The following DPP10 variants were observed in gnomAD, a reference collection of about 807,000 sequenced individuals.
DPP10 encodes the protein inactive dipeptidyl peptidase 10.
Under a neutral mutation model 120.9 loss-of-function variants are expected in DPP10, and 33 were observed. That is an observed-to-expected ratio of 0.27 (90% CI 0.21 to 0.37). DPP10 has a LOEUF of 0.37. DPP10 is among the 10% of genes least tolerant of loss of function. The probability of loss-of-function intolerance (pLI) is 1.00; values close to 1 mark genes in which losing one functional copy is unlikely to be tolerated. For missense variants in DPP10, 816 were observed against 942.8 expected (o/e 0.87, Z 1.76); for synonymous variants, 337 against 326.1 (o/e 1.03, Z -0.36).
At chr2:114,582,692 G>A (rs1690634061) in intron 1 of DPP10, among the ~76,000 whole-genome samples, 1 of 152,132 alleles carries the variant, frequency 6.6e-6, no homozygotes, top group Non-Finnish European at 1.5e-5. Context: ...GATGACGTAT[G>A]ATGTAGAGCC....
chr2:114,791,219 A>G (rs1429959721), intron 1 of DPP10, among the ~76,000 whole-genome samples: 1 of 152,196 alleles, frequency 6.6e-6, no homozygotes, highest in African/African-American at 2.4e-5. Flanking sequence ...AGCCAGGATC[A>G]AATACAGATC....
chr2:115,220,603 G>C (rs2057094432), intron 1 of DPP10, among the ~76,000 whole-genome samples: 1 of 152,084 alleles, frequency 6.6e-6, no homozygotes, highest in South Asian at 2.1e-4. Context: ...GTACCACAAA[G>C]TCATTTGTTT....
intron 7 of DPP10, among the ~76,000 whole-genome samples, chr2:115,726,182 C>A (rs1007219560): frequency 6.6e-6 from 1 of 152,166 alleles, no homozygotes; most frequent in Non-Finnish European, 1.5e-5. Flanking sequence ...TGCTACTGTT[C>A]TGCTCCTACT....
At chr2:115,787,057 A>T (rs935896429) in intron 17 of DPP10, among the ~76,000 whole-genome samples, 4 of 152,238 alleles carry the variant, frequency 2.6e-5, no homozygotes, top group African/African-American at 4.8e-5. Flanking sequence ...AACTAGCCAT[A>T]GAGCAAAGGT....
chr2:115,269,563 G>C (rs551619636), intron 1 of DPP10, among the ~76,000 whole-genome samples: 16 of 152,298 alleles, frequency 1.1e-4, no homozygotes, highest in South Asian at 1.0e-3. Context: ...GTTTTCTGCT[G>C]TCTGTGGGCC....
Position 114,738,603 on chromosome 2 carries a change from C to T in DPP10, c.60+295765C>T, listed in dbSNP as rs141547477. ...TGTGAGAATCCCTGCTCAACTCCTG[C>T]TCAGCTCTATGAACTTTGGGTGCAT... On this transcript the variant is annotated intron_variant, in intron 1 of 25. Transcript: ENST00000410059. Among the ~76,000 whole-genome samples the T allele has an allele frequency of 3.3e-5, 5 of 152,270 alleles. No homozygotes were observed. The East Asian group carries it at 9.7e-4, about 29-fold the overall frequency.
chr2:115,052,572 A>C (rs759319861), intron 1 of DPP10, among the ~76,000 whole-genome samples: 28 of 152,240 alleles, frequency 1.8e-4, no homozygotes, highest in Admixed American at 3.9e-4. Context: ...GCACTTGAAA[A>C]GATGCTCAGC....
chr2:115,573,132 A>G (rs911184211), intron 5 of DPP10, among the ~76,000 whole-genome samples: 2 of 152,174 alleles, frequency 1.3e-5, no homozygotes, highest in African/African-American at 4.8e-5. Context: ...AAAACCTATT[A>G]ATATCAAGTA....
chr2:115,576,852 A>G (rs1367966113), intron 5 of DPP10, among the ~76,000 whole-genome samples: 1 of 152,218 alleles, frequency 6.6e-6, no homozygotes. Flanking sequence ...ATGAGACAAT[A>G]CAGAGTAATC....
chr2:115,538,291 G>T (rs1447195954), intron 5 of DPP10, among the ~76,000 whole-genome samples: 1 of 151,954 alleles, frequency 6.6e-6, no homozygotes, highest in Non-Finnish European at 1.5e-5. Flanking sequence ...CTTTGAAGCT[G>T]GCTGAATAGC....
intron 1 of DPP10, among the ~76,000 whole-genome samples, chr2:114,522,075 G>A (rs1470605476): frequency 6.8e-6 from 1 of 146,778 alleles, no homozygotes; most frequent in African/African-American, 2.5e-5. Context: ...CGCCTCCCGG[G>A]TTCACGCCAT....
In DPP10 at chr2:114,879,134, CT is replaced by C. The variant is rs372569269; in HGVS notation, c.61-430093del. Among the ~76,000 whole-genome samples, 310 of 141,104 alleles carry C rather than the reference CT, an allele frequency of 2.2e-3. 2 individuals are homozygous for C. Among genetic ancestry groups the C allele is most frequent in the African/African-American group, 4.9e-3 (188 of 38,510 alleles). The allele number at this position is 141,104 out of a possible 152,430, so 92.6% of individuals were successfully genotyped here. A position where few individuals can be genotyped will look rare whatever the true frequency, so the allele number is the denominator to read the frequency against. On this transcript the variant is annotated intron_variant, in intron 1 of 25. Transcript: ENST00000410059. ...TAGTAGATGACTTCACAGGTAAATTCTTTTTTTTTTTTCATTTTTTTTCTAC... is the reference window on the plus strand; with the variant it reads ...TAGTAGATGACTTCACAGGTAAATTCTTTTTTTTTTTCATTTTTTTTCTAC...
chr2:114,652,992 G>T (rs745313463), intron 1 of DPP10, among the ~76,000 whole-genome samples: 1 of 87,292 alleles, frequency 1.1e-5, no homozygotes, highest in Non-Finnish European at 2.1e-5. Context: ...CATTGGAAGA[G>T]AGAGAGAGAG....
At chr2:114,473,878 T>C (rs960235489) in intron 1 of DPP10, among the ~76,000 whole-genome samples, 5 of 152,234 alleles carry the variant, frequency 3.3e-5, no homozygotes, top group African/African-American at 1.2e-4. Flanking sequence ...CATACATACA[T>C]ACATACACAC....
intron 3 of DPP10, among the ~76,000 whole-genome samples, chr2:115,419,661 A>C (rs34856445): frequency 6.6e-5 from 10 of 152,178 alleles, no homozygotes; most frequent in South Asian, 2.1e-4. Flanking sequence ...CACAGTGCCC[A>C]ATTTATTAAA....
intron 3 of DPP10, among the ~76,000 whole-genome samples, chr2:115,392,470 AAAG>A: frequency 2.1e-5 from 1 of 48,214 alleles, no homozygotes; most frequent in Admixed American, 2.1e-4. Context: ...TTTCACAAAT[AAAG>A]ATGTATGCTT....
At chr2:114,625,636 T>C (rs2105350018) in intron 1 of DPP10, among the ~76,000 whole-genome samples, 1 of 152,082 alleles carries the variant, frequency 6.6e-6, no homozygotes, top group Non-Finnish European at 1.5e-5. Flanking sequence ...CTCAATAGTC[T>C]CCAAAGGTAA....
Position 114,804,504 on chromosome 2 carries a change from C to G in DPP10, c.60+361666C>G, listed in dbSNP as rs540779214. Among the ~76,000 whole-genome samples the G allele has an allele frequency of 5.3e-5, 8 of 152,294 alleles. No individual in the cohort carries two copies. In the South Asian group the frequency reaches 1.7e-3, roughly 32 times the overall value. On this transcript the variant is annotated intron_variant, in intron 1 of 25. Transcript: ENST00000410059. ...AAAGCAGCCAGGAGGCAGGCAAAGC[C>G]ACAGGGGTGGAGCTTTCCAAGACCA...
At chr2:115,084,959 C>G (rs2104517768) in intron 1 of DPP10, among the ~76,000 whole-genome samples, 1 of 152,212 alleles carries the variant, frequency 6.6e-6, no homozygotes, top group Non-Finnish European at 1.5e-5. Context: ...TTGGCTTGTT[C>G]AGAAAGAGCT....
Sources: allele counts gnomAD v4.1 joint callset (sites outside exome capture counted in the v4.1 genomes callset), GRCh38; gene constraint gnomAD v4.1.1; transcripts MANE v1.5; gene names NCBI Gene and HGNC (gene_info 2026-07-23, HGNC 2026-07-21).